The following GRM7 variants were observed in gnomAD, a reference collection of about 807,000 sequenced individuals.
GRM7 encodes the protein glutamate metabotropic receptor 7.
In GRM7, 35 loss-of-function variants were observed where a neutral mutation model predicts 84.5. The observed-to-expected ratio is 0.41, with a 90% CI of 0.32 to 0.55. GRM7 has a LOEUF of 0.55. GRM7 is among the 20% of genes least tolerant of loss of function. GRM7 has a pLI of 0.19. For missense variants in GRM7, 1,003 were observed against 1,194.6 expected (o/e 0.84, Z 2.36); for synonymous variants, 487 against 455.1 (o/e 1.07, Z -0.89).
rs559944239 is a variant in GRM7 at position 6,988,886 on chromosome 3, T to C, written c.519+126979T>C. 1.3e-4 allele frequency among the ~76,000 whole-genome samples: 20 copies of C among 152,342 alleles called. No homozygotes were observed. The South Asian group carries it at 3.1e-3, about 24-fold the overall frequency. On this transcript the variant is annotated intron_variant, in intron 1 of 9. Coordinates refer to ENST00000357716, the MANE Select transcript of GRM7 (RefSeq NM_000844.4). ...TGTAGGCCACATAAGTAAATATTCT[T>C]AAGGCAATGTTTCTCAAAGGCTCAA...
intron 2 of GRM7, among the ~76,000 whole-genome samples, chr3:7,288,584 G>A (rs1699511587): frequency 6.6e-6 from 1 of 152,000 alleles, no homozygotes; most frequent in South Asian, 2.1e-4. Context: ...GTCTATCTCT[G>A]GCATTACGTG....
intron 7 of GRM7, among the ~76,000 whole-genome samples, chr3:7,504,135 C>A (rs1325885175): frequency 6.6e-6 from 1 of 152,086 alleles, no homozygotes; most frequent in African/African-American, 2.4e-5. Context: ...TGGTATAATA[C>A]TTTTAGAGAA....
chr3:7,678,833 A>G (rs1236819667), intron 8 of GRM7, among the ~76,000 whole-genome samples: 3 of 152,226 alleles, frequency 2.0e-5, no homozygotes, highest in African/African-American at 7.2e-5. Context: ...AATATGTCTG[A>G]TGGAAATTTT....
intron 7 of GRM7, among the ~76,000 whole-genome samples, chr3:7,552,655 T>C (rs1264402397): frequency 1.3e-5 from 2 of 152,192 alleles, no homozygotes; most frequent in Admixed American, 6.5e-5. Flanking sequence ...GCTTGGGGCT[T>C]GCACCCTCTG....
intron 7 of GRM7, among the ~76,000 whole-genome samples, chr3:7,505,391 A>G (rs957733471): frequency 5.3e-5 from 8 of 152,212 alleles, no homozygotes; most frequent in African/African-American, 1.9e-4. Flanking sequence ...TTTACTGGGC[A>G]TTGCCCTAGA....
At chr3:7,485,729 C>A (rs1301197159) in intron 7 of GRM7, among the ~76,000 whole-genome samples, 2 of 152,086 alleles carry the variant, frequency 1.3e-5, no homozygotes, top group Non-Finnish European at 2.9e-5. Context: ...TTTCTGCTGT[C>A]TTAATTTTTG....
intron 4 of GRM7, among the ~76,000 whole-genome samples, chr3:7,391,355 C>A (rs996462157): frequency 1.3e-5 from 2 of 152,024 alleles, no homozygotes; most frequent in East Asian, 3.9e-4. Context: ...GTGGCACATA[C>A]ACACCATGGA....
In GRM7 at chr3:7,296,777, T is replaced by G. The variant is rs188603902; in HGVS notation, c.737-1907T>G. On this transcript the variant is annotated intron_variant, in intron 2 of 9. Coordinates refer to ENST00000357716, the MANE Select transcript of GRM7 (RefSeq NM_000844.4). The stretch of plus-strand genomic sequence containing the variant: ...TCTCCCTTTTTGTCTCAGTCTACAT[T>G]TCATATATATCAATTTTATTTATAT... Among the ~76,000 whole-genome samples the G allele has an allele frequency of 3.3e-5, 5 of 152,056 alleles. No individual in the cohort carries two copies. In the East Asian group the frequency reaches 5.8e-4, roughly 18 times the overall value.
At chr3:7,629,007 C>G (rs1390128108) in intron 8 of GRM7, among the ~76,000 whole-genome samples, 3 of 152,132 alleles carry the variant, frequency 2.0e-5, no homozygotes, top group Non-Finnish European at 4.4e-5. Flanking sequence ...ACTCCATCCT[C>G]AAACTTTGCA....
chr3:7,524,306 CT>C (rs1700709412), intron 7 of GRM7, among the ~76,000 whole-genome samples: 1 of 149,380 alleles, frequency 6.7e-6, no homozygotes, highest in Non-Finnish European at 1.5e-5. Context: ...GCAAAAGAAA[CT>C]ACCATCAGAG....
Position 7,099,505 on chromosome 3 carries a change from T to C in GRM7, c.520-46947T>C, listed in dbSNP as rs570437369. On this transcript the variant is annotated intron_variant, in intron 1 of 9. Coordinates refer to ENST00000357716, the MANE Select transcript of GRM7 (RefSeq NM_000844.4). ...TGTATATGTACACGCATTATACATG[T>C]ACACATATATGTATATGTACACGCA... 2.2e-3 allele frequency among the ~76,000 whole-genome samples: 319 copies of C among 147,728 alleles called. 2 individuals carry two copies. Among genetic ancestry groups the C allele is most frequent in the African/African-American group, 7.5e-3 (300 of 39,828 alleles).
At position 7,680,833 on chromosome 3, in the gene GRM7, G is replaced by A. The variant is rs147301355; in HGVS notation, c.2698+538G>A. On this transcript the variant is annotated intron_variant, in intron 9 of 9. Coordinates refer to ENST00000357716, the MANE Select transcript of GRM7 (RefSeq NM_000844.4). ...AGGGCCAGACACTACCATGATAACGGCATCATACTGTGGGGAAAAACATAT... is the reference window on the plus strand; with the variant it reads ...AGGGCCAGACACTACCATGATAACGACATCATACTGTGGGGAAAAACATAT... 3.9e-3 allele frequency: 608 copies of A among 156,300 alleles called. 1 individual carries two copies. Among genetic ancestry groups the A allele is most frequent in the Middle Eastern group, 0.013 (4 of 300 alleles). 9.7% of individuals were successfully genotyped at this position (156,300 alleles called of 1,614,324 possible).
At chr3:7,221,249 A>G (rs1696791568) in intron 2 of GRM7, among the ~76,000 whole-genome samples, 2 of 152,070 alleles carry the variant, frequency 1.3e-5, no homozygotes. Context: ...TTTGTTAAAC[A>G]TTTGGTTTTT....
intron 4 of GRM7, among the ~76,000 whole-genome samples, chr3:7,324,396 A>G (rs1246893599): frequency 3.3e-5 from 5 of 152,190 alleles, no homozygotes; most frequent in African/African-American, 1.2e-4. Context: ...TGAATTCTGA[A>G]TCTGGAAACT....
At chr3:6,977,832 T>A (rs983022574) in intron 1 of GRM7, among the ~76,000 whole-genome samples, 20 of 152,194 alleles carry the variant, frequency 1.3e-4, no homozygotes, top group African/African-American at 4.6e-4. Context: ...TAGTCCTAAC[T>A]GATAGTATTT....
At chr3:7,118,476 T>A (rs1693114508) in intron 1 of GRM7, among the ~76,000 whole-genome samples, 2 of 149,608 alleles carry the variant, frequency 1.3e-5, no homozygotes, top group Admixed American at 1.4e-4. Context: ...AAGAATAAAA[T>A]TTAATCTAGT....
At chr3:7,080,496 T>C (rs1213407449) in intron 1 of GRM7, among the ~76,000 whole-genome samples, 1 of 152,046 alleles carries the variant, frequency 6.6e-6, no homozygotes, top group African/African-American at 2.4e-5. Flanking sequence ...GCATATTTTC[T>C]TATATGTTTC....
chr3:7,552,364 G>C (rs1252974580), intron 7 of GRM7, among the ~76,000 whole-genome samples: 1 of 152,130 alleles, frequency 6.6e-6, no homozygotes, highest in African/African-American at 2.4e-5. Flanking sequence ...GCAAACTGTT[G>C]GTTGATCTAC....
intron 9 of GRM7, 30 bp downstream of exon 9, chr3:7,680,325 C>G: frequency 6.2e-7 from 1 of 1,609,960 alleles, no homozygotes; most frequent in Non-Finnish European, 8.5e-7. Context: ...TTTCATCTTC[C>G]CACCCTGCAT....
Sources: allele counts gnomAD v4.1 joint callset (sites outside exome capture counted in the v4.1 genomes callset), GRCh38; gene constraint gnomAD v4.1.1; transcripts MANE v1.5; gene names NCBI Gene and HGNC (gene_info 2026-07-23, HGNC 2026-07-21).